Variants in HJURP observed in about 807,000 individuals in gnomAD.
HJURP encodes the protein Holliday junction recognition protein, also known as 14-3-3-associated AKT substrate.
In HJURP, 49 loss-of-function variants were observed where a neutral mutation model predicts 72.0. The observed-to-expected ratio is 0.68, with a 90% CI of 0.54 to 0.86. The LOEUF (loss-of-function observed/expected upper bound fraction) is 0.86. Ranked by LOEUF, HJURP falls within the 40% of genes least tolerant of loss-of-function variation. The pLI is 0.00. For missense variants in HJURP, 908 were observed against 936.3 expected, an observed-to-expected ratio of 0.97 and a Z score of 0.39; for synonymous variants, 357 against 347.1, an observed-to-expected ratio of 1.03 and a Z score of -0.32.
intron 3 of HJURP, among the ~76,000 whole-genome samples, chr2:233,850,351 G>T (rs1432544615): frequency 6.6e-6 from 1 of 152,188 alleles, no homozygotes; most frequent in East Asian, 1.9e-4. Context: ...GCAGCTGCTT[G>T]TCCTGACCAG....
intron 6 of HJURP, 126 bp downstream of exon 6, chr2:233,845,602 A>T: frequency 1.6e-6 from 1 of 621,002 alleles, no homozygotes; most frequent in South Asian, 2.2e-5. Flanking sequence ...AACAATTTGG[A>T]AATCATTACT....
At chr2:233,847,856 TG>T (rs1201055816) in intron 4 of HJURP, among the ~76,000 whole-genome samples, 2 of 152,254 alleles carry the variant, frequency 1.3e-5, no homozygotes, top group African/African-American at 4.8e-5. Flanking sequence ...CCAGTAAGGC[TG>T]AGGAAATGGA....
At position 233,837,654 on chromosome 2, in the gene HJURP, T is replaced by C; in HGVS notation, c.2172-2A>G. On this transcript the variant is annotated splice_acceptor_variant, in intron 8 of 8. Transcript: ENST00000411486. LOFTEE classifies it high-confidence loss of function. Reference sequence around the variant, plus strand: ...ATCCTGTAAGACGTGTTCTCTCCTCTAGGAAAAAAAAAAGACAAAGAAAAT... The same window carrying C: ...ATCCTGTAAGACGTGTTCTCTCCTCCAGGAAAAAAAAAAGACAAAGAAAAT... 6.3e-7 allele frequency: 1 copy of C among 1,579,286 alleles called. No individual in the cohort carries two copies. The highest frequency in any genetic ancestry group is 8.6e-7 in the Non-Finnish European group (1 of 1,164,016).
At position 233,846,032 on chromosome 2, in the gene HJURP, A is replaced by C. The variant is rs189575778; in HGVS notation, c.403-212T>G. ...GAATGTAAAAAGACACACACACACA[A>C]AAAAACCATGTCTAGAGAAGTTTAT... On this transcript the variant is annotated intron_variant, in intron 5 of 8. Coordinates refer to ENST00000411486, the MANE Select transcript of HJURP (RefSeq NM_018410.5). The surrounding 1 kb of genome is among the most constrained non-coding windows in gnomAD (Gnocchi z 4.3). 280 of 473,852 alleles carry C rather than the reference A, an allele frequency of 5.9e-4. No homozygotes were observed. The highest frequency in any genetic ancestry group is 4.0e-3 in the East Asian group (121 of 29,908). 29.4% of individuals were successfully genotyped at this position (473,852 alleles called of 1,614,324 possible). A position where few individuals can be genotyped will look rare whatever the true frequency, so the allele number is the denominator to read the frequency against.
intron 2 of HJURP, 62 bp from the exon 3 acceptor site, chr2:233,852,682 CTG>C: frequency 1.6e-6 from 2 of 1,248,264 alleles, no homozygotes; most frequent in Middle Eastern, 3.7e-4. Flanking sequence ...TCTGCTCAAT[CTG>C]TGTTCACCAG....
rs1705220736 is a variant in HJURP, at chr2:233,841,278, A to G, written c.1502T>C (p.Phe501Ser). 1 of 1,613,992 alleles carries G rather than the reference A, an allele frequency of 6.2e-7. No homozygotes were observed. Among genetic ancestry groups the G allele is most frequent in the Non-Finnish European group, 8.5e-7 (1 of 1,179,956 alleles). Residue 501 changes from phenylalanine (F) to serine (S), a missense_variant, in exon 8 of 9, where the codon TTT (phenylalanine) becomes TCT (serine). Coordinates refer to ENST00000411486, the MANE Select transcript of HJURP (RefSeq NM_018410.5). ...CAGAGATCTTTTGCCTAGGTTTTCAAAAGCCTCACTTAAACTTTTTGCTTT... is the reference window on the plus strand; with the variant it reads ...CAGAGATCTTTTGCCTAGGTTTTCAGAAGCCTCACTTAAACTTTTTGCTTT... ...KAKAKSLSEA[F>S]ENLGKRSLEA...
chr2:233,847,443 A>T lies in HJURP; in HGVS notation c.356T>A (p.Val119Asp). Residue 119 changes from valine to aspartate, a missense_variant, in exon 5 of 9, where the codon GTC becomes GAC. Val to Asp is a radical substitution (Grantham distance 152, BLOSUM62 -3). Coordinates refer to ENST00000411486, the MANE Select transcript of HJURP (RefSeq NM_018410.5). ...VLGADSKSGE[V>D]DATSDQEESV... ...CTCTTCCTGGTCTGACGTGGCATCG[A>T]CCTCACCGCTTTTTGAATCTAAAAG... 14 of 1,614,014 alleles carry T rather than the reference A, an allele frequency of 8.7e-6. No homozygotes were observed. The highest frequency in any genetic ancestry group is 1.2e-5 in the Non-Finnish European group (14 of 1,179,928).
intron 8 of HJURP, 33 bp from the exon 9 acceptor site, chr2:233,837,685 T>G (rs2124955499): frequency 6.9e-7 from 1 of 1,448,202 alleles, no homozygotes; most frequent in East Asian, 2.3e-5. Flanking sequence ...AAAATGATGT[T>G]AGCAAAATTC....
chr2:233,848,300 C>T (rs184564996), intron 4 of HJURP, among the ~76,000 whole-genome samples: 13 of 152,256 alleles, frequency 8.5e-5, no homozygotes, highest in Admixed American at 7.8e-4. Flanking sequence ...GGGGTCTGTT[C>T]CAGCCTGGGG....
At position 233,837,590 on chromosome 2, in the gene HJURP, G is replaced by C; in HGVS notation, c.2234C>G (p.Thr745Ser). The C allele has an allele frequency of 6.2e-7, 1 of 1,606,684 alleles. No individual in the cohort carries two copies. Among genetic ancestry groups the C allele is most frequent in the Non-Finnish European group, 8.5e-7 (1 of 1,173,844 alleles). ...GAAATAACCTAGCTACACACTTTTA[G>C]TTTCCAATTTTTCTAGCATGAAATC... Reference protein sequence around the residue: ...KSDFMLEKLETKSV With the variant: ...KSDFMLEKLESKSV Residue 745 changes from threonine to serine, a missense_variant, in exon 9 of 9, where the codon ACT becomes AGT. By Grantham distance (58) the Thr-to-Ser change is moderately conservative (BLOSUM62 1). Coordinates refer to ENST00000411486, the MANE Select transcript of HJURP (RefSeq NM_018410.5).
rs747168144 is a variant in HJURP at position 233,841,580 on chromosome 2, C to CTCA, written c.1197_1199dup (p.Asp399dup). On this transcript the variant is annotated inframe_insertion, in exon 8 of 9. Coordinates refer to ENST00000411486, the MANE Select transcript of HJURP (RefSeq NM_018410.5). Reference sequence around the variant, plus strand: ...ATTTTAATGTCCTAAATCTATTTTCCTCATCAAGATTATATGTTGCACTGG... The same window carrying CTCA: ...ATTTTAATGTCCTAAATCTATTTTCCTCATCATCAAGATTATATGTTGCACTGG... 3.9e-5 allele frequency: 63 copies of CTCA among 1,613,998 alleles called. No individual in the cohort carries two copies. The highest frequency in any genetic ancestry group is 5.3e-5 in the Non-Finnish European group (63 of 1,180,016).
intron 2 of HJURP, among the ~76,000 whole-genome samples, chr2:233,852,961 C>T (rs999003232): frequency 1.1e-4 from 16 of 152,254 alleles, no homozygotes; most frequent in South Asian, 4.2e-4. Flanking sequence ...AAGCACTTTT[C>T]GCAGGCAATC....
intron 6 of HJURP, among the ~76,000 whole-genome samples, chr2:233,844,868 A>C (rs10929309): frequency 0.43 from 64,733 of 152,000 alleles, 15,055 homozygotes; most frequent in Middle Eastern, 0.53. Flanking sequence ...GTACTTCCTA[A>C]GTATTTGGTG....
chr2:233,850,546 G>A (rs891856929), intron 3 of HJURP, among the ~76,000 whole-genome samples: 1 of 152,152 alleles, frequency 6.6e-6, no homozygotes, highest in Non-Finnish European at 1.5e-5. Flanking sequence ...AATATTTTAG[G>A]AACCACCCAG....
rs1023734613 is a variant in HJURP, at chr2:233,846,953, T to C, written c.402+444A>G. Among the ~76,000 whole-genome samples the C allele has an allele frequency of 2.6e-5, 4 of 152,186 alleles. No homozygotes were observed. The highest frequency in any genetic ancestry group is 9.7e-5 in the African/African-American group (4 of 41,444). On this transcript the variant is annotated intron_variant, in intron 5 of 8. Transcript: ENST00000411486. This position sits in a 1 kb window ranked among gnomAD's most constrained non-coding sequence, Gnocchi z 4.3. ...AGATGACACTTACTGTTTGGGTTAGTGACGGCTGCCCAATGAGGCGACCTT... is the reference window on the plus strand; with the variant it reads ...AGATGACACTTACTGTTTGGGTTAGCGACGGCTGCCCAATGAGGCGACCTT...
rs745399450 is a variant in HJURP at position 233,841,752 on chromosome 2, A to C, written c.1028T>G (p.Val343Gly). Residue 343 changes from valine to glycine, a missense_variant, in exon 8 of 9, where the codon GTA (valine) becomes GGA (glycine). Transcript: ENST00000411486. ...TGTCTTACGGCAAGAAACATCTAAT[A>C]CGTTCTTGCAATCTCTTAATGCCCC... ...GTGALRDCKN[V>G]LDVSCRKTGL... 6.2e-7 allele frequency: 1 copy of C among 1,614,148 alleles called. No individual in the cohort carries two copies. The highest frequency in any genetic ancestry group is 1.7e-5 in the Admixed American group (1 of 60,022).
rs1352185665 is a variant in HJURP at position 233,845,759 on chromosome 2, T to C, written c.464A>G (p.Asp155Gly). Residue 155 changes from aspartate (D) to glycine (G), a missense_variant, in exon 6 of 9, where the codon GAT (aspartate) becomes GGT (glycine). Transcript: ENST00000411486. Reference sequence around the variant, plus strand: ...ATACTCTGCACCTTGTAGCAGTATATCCACTTGGGTCAAGTATTTCCTTCT... The same window carrying C: ...ATACTCTGCACCTTGTAGCAGTATACCCACTTGGGTCAAGTATTTCCTTCT... ...ELRRKYLTQV[D>G]ILLQGAEYFE... The C allele has an allele frequency of 6.2e-7, 1 of 1,612,504 alleles. No individual in the cohort carries two copies. The highest frequency in any genetic ancestry group is 8.5e-7 in the Non-Finnish European group (1 of 1,178,544).
At chr2:233,854,219 G>A (rs1179567590) in intron 1 of HJURP, among the ~76,000 whole-genome samples, 165 bp downstream of exon 1, 1 of 151,888 alleles carries the variant, frequency 6.6e-6, no homozygotes, top group African/African-American at 2.4e-5. Context: ...CCTCTCCGGA[G>A]CCCCCAGCTC....
chr2:233,844,364 T>G (rs764989888), intron 6 of HJURP, 81 bp from the exon 7 acceptor site: 1 of 952,938 alleles, frequency 1.0e-6, no homozygotes, highest in Admixed American at 1.7e-5. Context: ...CCCCTGACGA[T>G]GCGGACTGTG....
Sources: gnomAD v4.1 joint callset for allele counts (sites outside exome capture counted in the v4.1 genomes callset) on GRCh38, gnomAD v4.1.1 for gene constraint, Gnocchi (gnomAD v3.1) non-coding constraint, MANE v1.5 for transcripts, NCBI Gene and HGNC (gene_info 2026-07-23, HGNC 2026-07-21) for gene names.